Variants in IGF2BP3 observed in about 807,000 individuals in gnomAD.
IGF2BP3 encodes insulin like growth factor 2 mRNA binding protein 3.
Under a neutral mutation model 73.8 loss-of-function variants are expected in IGF2BP3, and 9 were observed. The observed-to-expected ratio is 0.12, with a 90% CI of 0.07 to 0.21. IGF2BP3 has a LOEUF of 0.21. IGF2BP3 is among the 10% of genes least tolerant of loss of function. The pLI, the probability that IGF2BP3 is intolerant of heterozygous loss-of-function variation, is 1.00. For missense variants in IGF2BP3, 542 were observed against 714.0 expected (o/e 0.76, Z 2.75); for synonymous variants, 258 against 256.7 (o/e 1.01, Z -0.05).
chr7:23,407,190 A>AG (rs1786860709), intron 3 of IGF2BP3, among the ~76,000 whole-genome samples: 1 of 151,306 alleles, frequency 6.6e-6, no homozygotes, highest in African/African-American at 2.4e-5. Flanking sequence ...TTAAAAAAAA[A>AG]AAAAAAGAAA....
chr7:23,426,373 G>A (rs1787511747), intron 2 of IGF2BP3, among the ~76,000 whole-genome samples: 1 of 144,582 alleles, frequency 6.9e-6, no homozygotes, highest in African/African-American at 2.6e-5. Context: ...AGAAATGGTT[G>A]GGGGGAAAAA....
intron 2 of IGF2BP3, among the ~76,000 whole-genome samples, chr7:23,421,461 G>T (rs180798060): frequency 6.6e-6 from 1 of 151,920 alleles, no homozygotes; most frequent in Non-Finnish European, 1.5e-5. Flanking sequence ...GGGAGGCTGA[G>T]GTGGGCGGAT....
intron 3 of IGF2BP3, among the ~76,000 whole-genome samples, chr7:23,403,277 G>T (rs904724626): frequency 1.3e-5 from 2 of 151,996 alleles, no homozygotes; most frequent in African/African-American, 4.8e-5. Flanking sequence ...CACCAGTATT[G>T]GTCCACTGAG....
intron 5 of IGF2BP3, among the ~76,000 whole-genome samples, chr7:23,360,702 T>C (rs1032187904): frequency 9.2e-5 from 14 of 152,236 alleles, no homozygotes; most frequent in African/African-American, 3.4e-4. Context: ...ACTTTTCCCC[T>C]TCAGGGCTCA....
At chr7:23,466,683 G>A (rs1788573830) in intron 2 of IGF2BP3, among the ~76,000 whole-genome samples, 1 of 152,114 alleles carries the variant, frequency 6.6e-6, no homozygotes. Context: ...AAGCCTTTAA[G>A]AATAAAACAG....
intron 10 of IGF2BP3, among the ~76,000 whole-genome samples, chr7:23,321,892 G>GA (rs1394332219): frequency 5.3e-5 from 8 of 152,210 alleles, no homozygotes; most frequent in African/African-American, 1.9e-4. Context: ...CTAACAAACA[G>GA]AAGGGACATC....
At chr7:23,331,624 C>A (rs1231199462) in intron 10 of IGF2BP3, among the ~76,000 whole-genome samples, 1 of 151,654 alleles carries the variant, frequency 6.6e-6, no homozygotes, top group African/African-American at 2.4e-5. Context: ...CTTTGGAAGG[C>A]CAAGGTGGGT....
chr7:23,418,869 G>T, intron 2 of IGF2BP3, 45 bp from the exon 3 acceptor site: 1 of 1,306,140 alleles, frequency 7.7e-7, no homozygotes, highest in Non-Finnish European at 1.1e-6. Context: ...AAACATAAAA[G>T]CAAAACAATA....
intron 2 of IGF2BP3, among the ~76,000 whole-genome samples, chr7:23,460,204 G>C (rs1467114744): frequency 1.2e-5 from 1 of 83,444 alleles, no homozygotes; most frequent in African/African-American, 4.8e-5. Context: ...AAACAAAAAC[G>C]AAAGTGAGCT....
intron 2 of IGF2BP3, among the ~76,000 whole-genome samples, chr7:23,422,865 G>A (rs772779439): frequency 1.3e-5 from 2 of 152,028 alleles, no homozygotes; most frequent in South Asian, 2.1e-4. Context: ...GCGTAATCTC[G>A]GCTCACTGCA....
chr7:23,353,384 C>T lies in IGF2BP3; in HGVS notation c.402-1798G>A, dbSNP rs372033414. Among the ~76,000 whole-genome samples, 13 of 152,272 alleles carry T rather than the reference C, an allele frequency of 8.5e-5. No homozygotes were observed. The East Asian group carries it at 9.6e-4, about 11-fold the overall frequency. On this transcript the variant is annotated intron_variant, in intron 5 of 14. Transcript: ENST00000258729. Reference sequence around the variant, plus strand: ...AGACAGAGGGCTCGCTGACATTCTCCGGCCCAGAATGATTCTCGGTTTCTC... The same window carrying T: ...AGACAGAGGGCTCGCTGACATTCTCTGGCCCAGAATGATTCTCGGTTTCTC...
intron 2 of IGF2BP3, among the ~76,000 whole-genome samples, chr7:23,446,065 T>C (rs957359575): frequency 6.6e-6 from 1 of 152,198 alleles, no homozygotes; most frequent in African/African-American, 2.4e-5. Flanking sequence ...TAGATGGTCA[T>C]AATCATCTTT....
rs191349021 is a variant in IGF2BP3 at position 23,419,815 on chromosome 7, G to C, written c.237-991C>G. On this transcript the variant is annotated intron_variant, in intron 2 of 14. Transcript: ENST00000258729. ...TTGCGGTAAGCCAAGATTGCATCAC[G>C]GCACTGCAGCCTGGGCGACAGAGCG... is the stretch of plus-strand genomic sequence containing the variant. 3.3e-5 allele frequency among the ~76,000 whole-genome samples: 5 copies of C among 152,140 alleles called. No homozygotes were observed. In the East Asian group the frequency reaches 7.7e-4, roughly 24 times the overall value.
intron 3 of IGF2BP3, among the ~76,000 whole-genome samples, chr7:23,404,365 A>T (rs1390222010): frequency 1.3e-5 from 2 of 152,206 alleles, no homozygotes; most frequent in Non-Finnish European, 2.9e-5. Context: ...CATTAGCCAG[A>T]GTAAGCTAAT....
rs377588098 is a variant in IGF2BP3 at position 23,347,746 on chromosome 7, C to A, written c.684-12G>T. ...GGTGGACATCGATTCTGATAGTGGGCGCAAGCAGAGAGGAAAACGAGAGCA... is the reference window on the plus strand; with the variant it reads ...GGTGGACATCGATTCTGATAGTGGGAGCAAGCAGAGAGGAAAACGAGAGCA... On this transcript the variant is annotated splice_polypyrimidine_tract_variant and intron_variant, in intron 6 of 14. Coordinates refer to ENST00000258729, the MANE Select transcript of IGF2BP3 (RefSeq NM_006547.3). The A allele has an allele frequency of 1.9e-6, 3 of 1,613,636 alleles. No individual in the cohort carries two copies. The highest frequency in any genetic ancestry group is 2.7e-5 in the African/African-American group (2 of 74,832).
intron 3 of IGF2BP3, chr7:23,415,103 C>T (rs573636092): frequency 6.3e-5 from 14 of 220,906 alleles, no homozygotes; most frequent in Non-Finnish European, 1.1e-4. Flanking sequence ...TTAGCAGGTC[C>T]CGTCCGTCAG....
chr7:23,468,693 C>CCGA, intron 1 of IGF2BP3, 151 bp from the exon 2 acceptor site: 1 of 741,808 alleles, frequency 1.3e-6, no homozygotes. Flanking sequence ...GAGGGAGAAG[C>CCGA]CGACCCCCTC....
chr7:23,367,095 C>T (rs1024720726), intron 3 of IGF2BP3, among the ~76,000 whole-genome samples: 2 of 151,364 alleles, frequency 1.3e-5, no homozygotes, highest in African/African-American at 2.4e-5. Context: ...TCTTGTGCCT[C>T]AGCTTCCTGA....
chr7:23,415,008 T>C, intron 3 of IGF2BP3: 1 of 192,512 alleles, frequency 5.2e-6, no homozygotes, highest in Non-Finnish European at 1.1e-5. Context: ...CGTCCTTCAG[T>C]TGGTATCACC....
Sources: gnomAD v4.1 joint callset for allele counts (sites outside exome capture counted in the v4.1 genomes callset) on GRCh38, gnomAD v4.1.1 for gene constraint, MANE v1.5 for transcripts, NCBI Gene and HGNC (gene_info 2026-07-23, HGNC 2026-07-21) for gene names.